Variants in MSN observed in about 807,000 individuals in gnomAD.
The protein encoded by MSN is moesin, also known as epididymis luminal protein 70.
In MSN, 2 loss-of-function variants were observed where a neutral mutation model predicts 48.0. The ratio of observed to expected loss-of-function variants is 0.04; its 90% CI spans 0.02 to 0.13. The LOEUF (loss-of-function observed/expected upper bound fraction) is 0.13, where lower values mean the gene tolerates loss of function less well. MSN is among the 10% of genes least tolerant of loss of function. MSN has a pLI of 1.00. For synonymous variants in MSN, 146 were observed against 166.9 expected (o/e 0.87, Z 0.97); for missense variants, 267 against 470.1 (o/e 0.57, Z 3.99).
At position 65,709,319 on chromosome X, in the gene MSN, T is replaced by G. The variant is rs191875123; in HGVS notation, c.13-7499T>G. Among the ~76,000 whole-genome samples the G allele has an allele frequency of 1.1e-3, 124 of 112,320 alleles. 2 individuals are homozygous for G. Among genetic ancestry groups the G allele is most frequent in the African/African-American group, 4.0e-3 (124 of 30,917 alleles). Reference sequence around the variant, plus strand: ...CTTCTGAGTTAAGTGGAGACAGGAATGGGAATTCTTTTGTGTTTGTTTTTC... The same window carrying G: ...CTTCTGAGTTAAGTGGAGACAGGAAGGGGAATTCTTTTGTGTTTGTTTTTC... On this transcript the variant is annotated intron_variant, in intron 1 of 12. Transcript: ENST00000360270.
At chrX:65,620,580 G>A (rs892871133) in intron 1 of MSN, among the ~76,000 whole-genome samples, 9 of 112,863 alleles carry the variant, frequency 8.0e-5, no homozygotes, top group African/African-American at 1.9e-4. Flanking sequence ...CGCACGGTGC[G>A]CACACCCACT....
In MSN at chrX:65,691,652, C is replaced by T. The variant is rs765572757; in HGVS notation, c.12+23799C>T. Among the ~76,000 whole-genome samples, 12 of 110,567 alleles carry T rather than the reference C, an allele frequency of 1.1e-4. No individual in the cohort carries two copies. In the South Asian group the frequency reaches 4.6e-3, roughly 42 times the overall value. ...CCCGAGTAGCTGGGATTCCAGGTGC[C>T]CGCCTCCACGCCTGGTTAATTTTTT... On this transcript the variant is annotated intron_variant, in intron 1 of 12. Transcript: ENST00000360270.
chrX:65,637,764 C>T lies in MSN; in HGVS notation c.-22+49152C>T, dbSNP rs746332565. ...CTGGTCTTGGACTCCTGGGCTCAAGCGATCCTCCCACCTTGGCCTCCTTAA... is the reference window on the plus strand; with the variant it reads ...CTGGTCTTGGACTCCTGGGCTCAAGTGATCCTCCCACCTTGGCCTCCTTAA... On this transcript the variant is annotated intron_variant, in intron 1 of 3. Coordinates refer to the MSN transcript ENST00000609672. 4.5e-5 allele frequency among the ~76,000 whole-genome samples: 5 copies of T among 110,617 alleles called. No individual in the cohort carries two copies. The South Asian group carries it at 1.6e-3, about 35-fold the overall frequency.
chrX:65,618,225 G>A (rs746324313), intron 1 of MSN, among the ~76,000 whole-genome samples: 12 of 111,464 alleles, frequency 1.1e-4, no homozygotes, highest in Admixed American at 1.9e-4. Flanking sequence ...TATTAGGTCC[G>A]CTTGGTGCAG....
At chrX:65,609,441 A>G (rs1441026364) in intron 1 of MSN, among the ~76,000 whole-genome samples, 3 of 111,242 alleles carry the variant, frequency 2.7e-5, no homozygotes, top group Non-Finnish European at 5.7e-5. Flanking sequence ...CTTGTACAGG[A>G]AATGCCCATT....
In MSN at chrX:65,708,563, G is replaced by T. The variant is rs1484054444; in HGVS notation, c.13-8255G>T. Among the ~76,000 whole-genome samples, 2 of 111,644 alleles carry T rather than the reference G, an allele frequency of 1.8e-5. 1 individual carries two copies. The highest frequency in any genetic ancestry group is 3.8e-5 in the Non-Finnish European group (2 of 53,118). On this transcript the variant is annotated intron_variant, in intron 1 of 12. Coordinates refer to ENST00000360270, the MANE Select transcript of MSN (RefSeq NM_002444.3). The stretch of plus-strand genomic sequence containing the variant: ...CCACATTGGCCTCTCAAAGTGCGGG[G>T]ATTACAGGTGTGAGCCACCGTGCTT...
intron 1 of MSN, among the ~76,000 whole-genome samples, chrX:65,682,441 T>C (rs1304275812): frequency 2.7e-5 from 3 of 111,784 alleles, no homozygotes; most frequent in Non-Finnish European, 5.6e-5. Flanking sequence ...ATACCCCCAT[T>C]CCACCCCAGG....
At chrX:65,606,477 C>T (rs2070280439) in intron 1 of MSN, among the ~76,000 whole-genome samples, 1 of 111,405 alleles carries the variant, frequency 9.0e-6, no homozygotes, top group Non-Finnish European at 1.9e-5. Context: ...GACCGGAGTA[C>T]AGTGGTACAA....
At chrX:65,645,893 A>G (rs915319890) in intron 1 of MSN, among the ~76,000 whole-genome samples, 1 of 111,448 alleles carries the variant, frequency 9.0e-6, no homozygotes, top group African/African-American at 3.3e-5. Flanking sequence ...TAATCCCTCA[A>G]ATTTATCCTC....
At chrX:65,630,538 A>G (rs904037010) in intron 1 of MSN, among the ~76,000 whole-genome samples, 5 of 111,530 alleles carry the variant, frequency 4.5e-5, no homozygotes, top group Non-Finnish European at 9.4e-5. Context: ...GCAATGAACT[A>G]TGATCGTGCC....
chrX:65,699,830 C>T (rs1490519044), intron 1 of MSN, among the ~76,000 whole-genome samples: 1 of 105,961 alleles, frequency 9.4e-6, no homozygotes, highest in African/African-American at 3.4e-5. Context: ...ATAAGATAAA[C>T]TTGGAAAGGT....
At chrX:65,618,845 C>G (rs1258225510) in intron 1 of MSN, among the ~76,000 whole-genome samples, 1 of 111,316 alleles carries the variant, frequency 9.0e-6, no homozygotes. Context: ...GTGGCTGGTA[C>G]CGGTTGTTCC....
chrX:65,688,262 G>T (rs2071136164), intron 1 of MSN, among the ~76,000 whole-genome samples: 1 of 111,959 alleles, frequency 8.9e-6, no homozygotes, highest in African/African-American at 3.2e-5. Context: ...TTTTAAAATA[G>T]AGACAGGGTT....
intron 1 of MSN, among the ~76,000 whole-genome samples, chrX:65,671,126 C>T (rs954733676): frequency 5.6e-5 from 6 of 106,481 alleles, no homozygotes; most frequent in African/African-American, 2.1e-4. Flanking sequence ...ATTGAAAAGG[C>T]TCTCCACAAC....
intron 1 of MSN, among the ~76,000 whole-genome samples, chrX:65,648,943 G>A (rs1034617086): frequency 2.7e-4 from 30 of 109,980 alleles, no homozygotes; most frequent in Non-Finnish European, 5.1e-4. Context: ...AGATGTGACT[G>A]GAAATGAGAG....
chrX:65,639,690 C>T (rs760967952), intron 1 of MSN, among the ~76,000 whole-genome samples: 3 of 111,585 alleles, frequency 2.7e-5, no homozygotes, highest in Admixed American at 1.9e-4. Context: ...CCTCCAGATC[C>T]TCCTTAGTAC....
chrX:65,641,596 ATAT>A (rs1361707388), intron 1 of MSN, among the ~76,000 whole-genome samples: 4 of 58,627 alleles, frequency 6.8e-5, no homozygotes, highest in Non-Finnish European at 1.2e-4. Context: ...ATATATATAT[ATAT>A]ATTTTAGCAT....
intron 1 of MSN, among the ~76,000 whole-genome samples, chrX:65,690,760 T>C (rs911828510): frequency 7.2e-5 from 8 of 111,385 alleles, no homozygotes. Context: ...CTGGATGGCC[T>C]TTACGCTTGA....
At chrX:65,641,596 ATATATT>A (rs1180458173) in intron 1 of MSN, among the ~76,000 whole-genome samples, 2 of 58,615 alleles carry the variant, frequency 3.4e-5, no homozygotes, top group African/African-American at 1.4e-4. Context: ...ATATATATAT[ATATATT>A]TTAGCATATT....
Sources: allele counts gnomAD v4.1 joint callset (sites outside exome capture counted in the v4.1 genomes callset), GRCh38; gene constraint gnomAD v4.1.1; transcripts MANE v1.5; gene names NCBI Gene and HGNC (gene_info 2026-07-23, HGNC 2026-07-21).